The following TCF3 variants were observed in gnomAD, a reference collection of about 807,000 sequenced individuals.
TCF3 encodes transcription factor E2-alpha.
In TCF3, 54 loss-of-function variants were observed where a neutral mutation model predicts 72.3. The observed-to-expected ratio is 0.75, with a 90% CI of 0.60 to 0.94. The LOEUF is 0.94. TCF3 is among the 40% of genes least tolerant of loss of function. The pLI is 0.00. For synonymous variants in TCF3, 525 were observed against 412.6 expected (o/e 1.27, Z -3.30); for missense variants, 1,078 against 934.4 (o/e 1.15, Z -2.00).
At position 1,615,961 on chromosome 19, in the gene TCF3, C is replaced by T; in HGVS notation, c.1451-140G>A. 9.7e-7 allele frequency: 1 copy of T among 1,032,044 alleles called. No individual in the cohort carries two copies. Among genetic ancestry groups the T allele is most frequent in the Non-Finnish European group, 1.3e-6 (1 of 743,344 alleles). The allele number at this position is 1,032,044 out of a possible 1,614,324, so 63.9% of individuals were successfully genotyped here. Reference sequence around the variant, plus strand: ...AAAAATAAAAACAAAAAACCAACAACCAGAACTGGATCCCTACCTCACGCC... The same window carrying T: ...AAAAATAAAAACAAAAAACCAACAATCAGAACTGGATCCCTACCTCACGCC... On this transcript the variant is annotated intron_variant, in intron 16 of 18. Coordinates refer to ENST00000262965, the MANE Select transcript of TCF3 (RefSeq NM_003200.5). This position sits in a 1 kb window ranked among gnomAD's most constrained non-coding sequence, Gnocchi z 7.3.
rs140533767 is a variant in TCF3 at position 1,624,037 on chromosome 19, C to A, written c.500-37G>T. 2.0e-3 allele frequency: 3,293 copies of A among 1,607,008 alleles called. 42 individuals are homozygous for A. In the African/African-American group the frequency reaches 0.028, roughly 14 times the overall value. ...AAAAGGGGTGAGAACCGGCCACCGG[C>A]CATGAGAACAACCCCTGCCCTACAC... On this transcript the variant is annotated intron_variant, in intron 7 of 18. Transcript: ENST00000262965.
At position 1,629,078 on chromosome 19, in the gene TCF3, G is replaced by A. The variant is rs1254054300; in HGVS notation, c.299-1652C>T. ...AAGGGGACAGCAGAGCTCACGGGGT[G>A]AGGCGGGAAGGGGACAGCAGAGCTC... On this transcript the variant is annotated intron_variant, in intron 5 of 18. Coordinates refer to ENST00000262965, the MANE Select transcript of TCF3 (RefSeq NM_003200.5). Among the ~76,000 whole-genome samples, 14 of 121,496 alleles carry A rather than the reference G, an allele frequency of 1.2e-4. 1 individual carries two copies. Among genetic ancestry groups the A allele is most frequent in the East Asian group, 7.1e-4 (2 of 2,814 alleles). 79.7% of individuals were successfully genotyped at this position (121,496 alleles called of 152,430 possible).
At chr19:1,642,511 A>G (rs1238657651) in intron 3 of TCF3, among the ~76,000 whole-genome samples, 1 of 152,224 alleles carries the variant, frequency 6.6e-6, no homozygotes, top group East Asian at 1.9e-4. Context: ...AAGTGGATCA[A>G]CTTCAAGGAC....
intron 3 of TCF3, among the ~76,000 whole-genome samples, chr19:1,642,268 ACG>A: frequency 6.6e-6 from 1 of 151,558 alleles, no homozygotes; most frequent in Non-Finnish European, 1.5e-5. Context: ...GCACACACGC[ACG>A]CACACGCACA....
At chr19:1,651,009 C>T in intron 1 of TCF3, 1 of 231,322 alleles carries the variant, frequency 4.3e-6, no homozygotes, top group African/African-American at 2.2e-5. Flanking sequence ...GCGATGTATC[C>T]GGGAATTATT....
At chr19:1,650,042 G>T in intron 2 of TCF3, 135 bp downstream of exon 2, 2 of 873,328 alleles carry the variant, frequency 2.3e-6, no homozygotes, top group Non-Finnish European at 1.7e-6. Flanking sequence ...CACTCCCCCA[G>T]CCCCACCGGG....
At chr19:1,636,459 T>C (rs1029234995) in intron 3 of TCF3, among the ~76,000 whole-genome samples, 1 of 152,082 alleles carries the variant, frequency 6.6e-6, no homozygotes, top group Non-Finnish European at 1.5e-5. Flanking sequence ...CAACGCCTGG[T>C]GAATTTAAAA....
rs1329397192 is a variant in TCF3 at position 1,620,979 on chromosome 19, TG to T, written c.1081del (p.Gln361ArgfsTer33). 11 of 1,499,406 alleles carry T rather than the reference TG, an allele frequency of 7.3e-6. No individual in the cohort carries two copies. The highest frequency in any genetic ancestry group is 2.5e-5 in the Admixed American group (1 of 40,094). 92.9% of individuals were successfully genotyped at this position (1,499,406 alleles called of 1,614,324 possible). A position where few individuals can be genotyped will look rare whatever the true frequency, so the allele number is the denominator to read the frequency against. ...SSPSTPVGSPQGLAGTSQWPR... is the reference protein window; with the variant it reads ...SSPSTPVGSPXGLAGTSQWPR... The stretch of plus-strand genomic sequence containing the variant: ...AAACCCTCACAGACCTGCCAGGCCC[TG>T]GGGGGAGCCCACGGGGGTAGAAGGG... On this transcript the variant is annotated frameshift_variant, in exon 13 of 19. Transcript: ENST00000262965. LOFTEE classifies it high-confidence loss of function.
At position 1,615,609 on chromosome 19, in the gene TCF3, T is replaced by C; in HGVS notation, c.1586+77A>G. ...CCCGCCGACGGCCTCCCAGTGTGGG[T>C]GCGGTGTGCGTGTGGCCTGTGCACA... On this transcript the variant is annotated intron_variant, in intron 17 of 18. Coordinates refer to ENST00000262965, the MANE Select transcript of TCF3 (RefSeq NM_003200.5). The surrounding 1 kb of genome is among the most constrained non-coding windows in gnomAD (Gnocchi z 7.3). 1 of 1,603,164 alleles carries C rather than the reference T, an allele frequency of 6.2e-7. No homozygotes were observed. Among genetic ancestry groups the C allele is most frequent in the Non-Finnish European group, 8.5e-7 (1 of 1,178,026 alleles).
chr19:1,619,713 T>A, intron 14 of TCF3, 67 bp downstream of exon 14: 1 of 1,207,580 alleles, frequency 8.3e-7, no homozygotes, highest in Non-Finnish European at 1.1e-6. Context: ...GGTTTCTCCT[T>A]CTCAAGGAGC....
At chr19:1,650,901 A>C (rs1376503393) in intron 1 of TCF3, 1 of 230,662 alleles carries the variant, frequency 4.3e-6, no homozygotes, top group Non-Finnish European at 8.6e-6. Flanking sequence ...TGCAGGGACC[A>C]GCAAAGCTTT....
chr19:1,651,445 C>T (rs971286598), intron 1 of TCF3: 3 of 225,922 alleles, frequency 1.3e-5, no homozygotes, highest in Non-Finnish European at 2.6e-5. Context: ...GCGTGTGAAA[C>T]TGACTTTTTT....
chr19:1,636,987 A>T (rs553610759), intron 3 of TCF3, among the ~76,000 whole-genome samples: 40 of 152,250 alleles, frequency 2.6e-4, no homozygotes, highest in African/African-American at 9.4e-4. Context: ...AAGTGGCAGG[A>T]CGTGCCCTCG....
At chr19:1,623,312 G>C (rs1392663460) in intron 8 of TCF3, among the ~76,000 whole-genome samples, 6 of 152,036 alleles carry the variant, frequency 3.9e-5, no homozygotes, top group Admixed American at 3.9e-4. Flanking sequence ...GGCCTGGTAG[G>C]GAGGCAGGGA....
intron 6 of TCF3, 98 bp from the exon 7 acceptor site, chr19:1,625,806 C>A: frequency 7.3e-7 from 1 of 1,378,826 alleles, no homozygotes. Context: ...CCACTCAGAC[C>A]CGCCCTGCAG....
At chr19:1,612,458 G>A (rs2061102754) in intron 18 of TCF3, 2 of 1,357,912 alleles carry the variant, frequency 1.5e-6, no homozygotes, top group South Asian at 2.3e-5. Context: ...CGAGGCCTCT[G>A]TTAGTGATGC....
chr19:1,615,561 G>A lies in TCF3; in HGVS notation c.1587-41C>T, dbSNP rs1417215742. 2.5e-6 allele frequency: 4 copies of A among 1,604,900 alleles called. No individual in the cohort carries two copies. Among genetic ancestry groups the A allele is most frequent in the Non-Finnish European group, 2.5e-6 (3 of 1,179,752 alleles). On this transcript the variant is annotated intron_variant, in intron 17 of 18. Coordinates refer to ENST00000262965, the MANE Select transcript of TCF3 (RefSeq NM_003200.5). This position sits in a 1 kb window ranked among gnomAD's most constrained non-coding sequence, Gnocchi z 7.3. ...CGGGAGGGGGCCAGAGGGAGACAGT[G>A]AGGTTGGGGGAAGAGCGTGGGGCCC...
At chr19:1,612,105 T>C (rs2061060508) in intron 18 of TCF3, 1 of 1,229,910 alleles carries the variant, frequency 8.1e-7, no homozygotes, top group Admixed American at 2.7e-5. Flanking sequence ...AAGACAGACA[T>C]GGACAGAGTC....
chr19:1,618,778 G>C (rs1049131844), intron 16 of TCF3, among the ~76,000 whole-genome samples: 5 of 152,212 alleles, frequency 3.3e-5, no homozygotes, highest in Non-Finnish European at 7.3e-5. Flanking sequence ...CACCTGTACT[G>C]TGCAGCGAGC....
Sources: gnomAD v4.1 joint callset for allele counts (sites outside exome capture counted in the v4.1 genomes callset) on GRCh38, gnomAD v4.1.1 for gene constraint, Gnocchi (gnomAD v3.1) non-coding constraint, MANE v1.5 for transcripts, NCBI Gene and HGNC (gene_info 2026-07-23, HGNC 2026-07-21) for gene names.